SNX3: variants seen among roughly 807,000 people sequenced by gnomAD.
The protein encoded by SNX3 is sorting nexin-3.
SNX3 carries 5 observed loss-of-function variants against 17.7 expected under a neutral mutation model. That is an observed-to-expected ratio of 0.28 (90% CI 0.15 to 0.59). The LOEUF (loss-of-function observed/expected upper bound fraction) is 0.59, where lower values mean the gene tolerates loss of function less well. Among genes scored for constraint, SNX3 ranks in the 20% least tolerant of loss-of-function variants. The pLI is 0.88. For missense variants in SNX3, 132 were observed against 206.8 expected, an observed-to-expected ratio of 0.64 and a Z score of 2.22; for synonymous variants, 91 against 76.5, an observed-to-expected ratio of 1.19 and a Z score of -0.99.
intron 1 of SNX3, among the ~76,000 whole-genome samples, chr6:108,256,902 T>C (rs1489544757): frequency 1.3e-5 from 2 of 152,208 alleles, no homozygotes; most frequent in East Asian, 1.9e-4. Context: ...TAACACTGTG[T>C]AATTATTTTC....
chr6:108,247,228 C>T (rs1775717929), intron 1 of SNX3, among the ~76,000 whole-genome samples: 1 of 152,138 alleles, frequency 6.6e-6, no homozygotes, highest in South Asian at 2.1e-4. Flanking sequence ...CTATGCAATA[C>T]TGTGAGTCAA....
chr6:108,211,906 A>T lies in SNX3; in HGVS notation c.*243T>A, dbSNP rs1459046934. On this transcript the variant is annotated 3_prime_UTR_variant, in exon 4 of 4. Transcript: ENST00000230085. ...TGGAATAACAGGTTTGTGAGGCTATAGTGTGCACCACATTAAAACAGCAAG... is the reference window on the plus strand; with the variant it reads ...TGGAATAACAGGTTTGTGAGGCTATTGTGTGCACCACATTAAAACAGCAAG... The T allele has an allele frequency of 8.2e-6, 3 of 363,992 alleles. No homozygotes were observed. Among genetic ancestry groups the T allele is most frequent in the Non-Finnish European group, 1.5e-5 (3 of 201,904 alleles). The allele number at this position is 363,992 out of a possible 1,614,324, so 22.5% of individuals were successfully genotyped here.
intron 1 of SNX3, among the ~76,000 whole-genome samples, chr6:108,236,263 T>G (rs1005908777): frequency 7.2e-5 from 11 of 151,838 alleles, no homozygotes; most frequent in African/African-American, 2.7e-4. Context: ...GCAGGATGAT[T>G]GCTTGAAGCC....
At chr6:108,231,103 G>A (rs1362958497) in intron 1 of SNX3, among the ~76,000 whole-genome samples, 1 of 151,376 alleles carries the variant, frequency 6.6e-6, no homozygotes, top group African/African-American at 2.4e-5. Context: ...TCCCACCTCT[G>A]GTGGTGTTTT....
chr6:108,246,804 C>T (rs1775706576), intron 1 of SNX3, among the ~76,000 whole-genome samples: 2 of 152,030 alleles, frequency 1.3e-5, no homozygotes, highest in Non-Finnish European at 2.9e-5. Context: ...AATTCCTGGC[C>T]TCAAACGATC....
At chr6:108,235,326 C>T (rs566051778) in intron 1 of SNX3, among the ~76,000 whole-genome samples, 3 of 152,114 alleles carry the variant, frequency 2.0e-5, no homozygotes, top group Non-Finnish European at 2.9e-5. Context: ...GCCATATGAC[C>T]GAGTTATCTC....
intron 1 of SNX3, among the ~76,000 whole-genome samples, chr6:108,235,780 C>G (rs1775310641): frequency 6.6e-6 from 1 of 152,126 alleles, no homozygotes; most frequent in African/African-American, 2.4e-5. Context: ...CCTGTAGTCC[C>G]AGCTACTTGG....
At chr6:108,252,745 T>C (rs1317049480) in intron 1 of SNX3, among the ~76,000 whole-genome samples, 2 of 152,038 alleles carry the variant, frequency 1.3e-5, no homozygotes, top group Non-Finnish European at 2.9e-5. Context: ...GTTCACGCAA[T>C]CTTTGTGCCT....
At chr6:108,260,330 G>A (rs573518390) in intron 1 of SNX3, among the ~76,000 whole-genome samples, 1 of 152,232 alleles carries the variant, frequency 6.6e-6, no homozygotes, top group African/African-American at 2.4e-5. Flanking sequence ...TGGAGCAGCC[G>A]GGTTGGCTTG....
intron 2 of SNX3, chr6:108,222,126 G>C: frequency 1.9e-6 from 2 of 1,040,228 alleles, no homozygotes; most frequent in East Asian, 1.2e-4. Flanking sequence ...TTTTATCTTA[G>C]GCTAGAAACA....
intron 1 of SNX3, 95 bp downstream of exon 1, chr6:108,260,665 G>A: frequency 2.1e-6 from 3 of 1,430,710 alleles, no homozygotes; most frequent in Admixed American, 3.6e-5. Flanking sequence ...GGCCTGGGAG[G>A]CTGTGGCTGC....
intron 2 of SNX3, among the ~76,000 whole-genome samples, chr6:108,215,865 A>C (rs1774554897): frequency 6.6e-6 from 1 of 152,138 alleles, no homozygotes; most frequent in Non-Finnish European, 1.5e-5. Flanking sequence ...CCAGGAGTTC[A>C]GGACTGGAGT....
intron 1 of SNX3, among the ~76,000 whole-genome samples, chr6:108,255,110 A>AT (rs1775991220): frequency 6.6e-6 from 1 of 152,242 alleles, no homozygotes; most frequent in South Asian, 2.1e-4. Context: ...AAAACTCAAT[A>AT]TAACAGGACT....
chr6:108,212,830 CTTAAA>C (rs1774448055), intron 3 of SNX3, among the ~76,000 whole-genome samples: 1 of 149,668 alleles, frequency 6.7e-6, no homozygotes, highest in Admixed American at 6.6e-5. Flanking sequence ...TCATAAGAAA[CTTAAA>C]TTAATTTTAA....
At chr6:108,220,760 C>A (rs1024482330) in intron 2 of SNX3, among the ~76,000 whole-genome samples, 11 of 152,010 alleles carry the variant, frequency 7.2e-5, no homozygotes, top group Non-Finnish European at 1.3e-4. Context: ...GGCGGATCAC[C>A]TGAGGTCAGG....
intron 3 of SNX3, among the ~76,000 whole-genome samples, chr6:108,213,584 G>C (rs57085440): frequency 0.068 from 10,304 of 151,424 alleles, 1,229 homozygotes; most frequent in African/African-American, 0.24. Flanking sequence ...CCTGGGAGGT[G>C]GAGGTTTCAC....
intron 1 of SNX3, among the ~76,000 whole-genome samples, chr6:108,235,132 G>T (rs987677784): frequency 1.3e-5 from 2 of 152,116 alleles, no homozygotes; most frequent in African/African-American, 2.4e-5. Flanking sequence ...ACATTGGCTT[G>T]GCCATGTGAC....
chr6:108,255,902 T>C (rs1654590395), intron 1 of SNX3, among the ~76,000 whole-genome samples: 1 of 152,214 alleles, frequency 6.6e-6, no homozygotes, highest in African/African-American at 2.4e-5. Context: ...AACGTTATTA[T>C]TCAGCTTTAT....
intron 1 of SNX3, among the ~76,000 whole-genome samples, chr6:108,235,452 A>C (rs1775299536): frequency 6.6e-6 from 1 of 152,230 alleles, no homozygotes; most frequent in Admixed American, 6.5e-5. Context: ...TGAATGTTTA[A>C]TTGTAACTGT....
Sources: gnomAD v4.1 joint callset for allele counts (sites outside exome capture counted in the v4.1 genomes callset) on GRCh38, gnomAD v4.1.1 for gene constraint, MANE v1.5 for transcripts, NCBI Gene and HGNC (gene_info 2026-07-23, HGNC 2026-07-21) for gene names.